Variants in KALRN observed in about 807,000 individuals in gnomAD.
KALRN encodes kalirin RhoGEF kinase.
Under a neutral mutation model 353.7 loss-of-function variants are expected in KALRN, and 70 were observed. The ratio of observed to expected loss-of-function variants is 0.20; its 90% CI spans 0.16 to 0.24. The LOEUF (loss-of-function observed/expected upper bound fraction) is 0.24, where lower values mean the gene tolerates loss of function less well. Among genes scored for constraint, KALRN ranks in the 10% least tolerant of loss-of-function variants. KALRN has a pLI of 1.00. For synonymous variants in KALRN, 1,391 were observed against 1,434.8 expected (o/e 0.97, Z 0.69); for missense variants, 2,791 against 3,756.7 (o/e 0.74, Z 6.72).
At chr3:124,702,982 G>A (rs2062415705) in intron 57 of KALRN, among the ~76,000 whole-genome samples, 1 of 152,128 alleles carries the variant, frequency 6.6e-6, no homozygotes, top group Non-Finnish European at 1.5e-5. Flanking sequence ...GTCTCCAGGT[G>A]GTCTGTGTGA....
At chr3:124,210,567 C>T (rs985550012) in intron 1 of KALRN, among the ~76,000 whole-genome samples, 1 of 152,056 alleles carries the variant, frequency 6.6e-6, no homozygotes, top group South Asian at 2.1e-4. Flanking sequence ...CAACCTCAGC[C>T]GTCATCTTAT....
rs34537933 is a variant in KALRN, at chr3:124,471,966, C to CAA, written c.4032-2680_4032-2679dup. ...TGAGTGACAGAGTGAGACTCCGTCT[C>CAA]AAAAAAAAAAAAAAAAAACAACCTT... is the stretch of plus-strand genomic sequence containing the variant. On this transcript the variant is annotated intron_variant, in intron 25 of 59. Transcript: ENST00000682506. 9.4e-3 allele frequency among the ~76,000 whole-genome samples: 1,040 copies of CAA among 110,550 alleles called. 66 individuals carry two copies. Among genetic ancestry groups the CAA allele is most frequent in the Middle Eastern group, 0.026 (5 of 190 alleles). 72.5% of individuals were successfully genotyped at this position (110,550 alleles called of 152,430 possible).
intron 33 of KALRN, among the ~76,000 whole-genome samples, chr3:124,553,104 G>A (rs2070755964): frequency 6.6e-6 from 1 of 152,158 alleles, no homozygotes. Flanking sequence ...CAAGATATCA[G>A]TGCAAGAAAA....
chr3:124,374,582 T>C (rs1300008633), intron 10 of KALRN: 1 of 152,256 alleles, frequency 6.6e-6, no homozygotes, highest in Admixed American at 6.5e-5. Flanking sequence ...CTGACCCACC[T>C]TTCCACGTCA....
intron 3 of KALRN, among the ~76,000 whole-genome samples, chr3:124,238,670 C>T (rs2080081450): frequency 6.6e-6 from 1 of 152,178 alleles, no homozygotes; most frequent in Non-Finnish European, 1.5e-5. Flanking sequence ...AAGATTTTGT[C>T]TATACCTTAA....
chr3:124,160,397 A>G (rs922352807), intron 1 of KALRN, among the ~76,000 whole-genome samples: 1 of 152,090 alleles, frequency 6.6e-6, no homozygotes, highest in African/African-American at 2.4e-5. Flanking sequence ...TAGAATGATC[A>G]GGAATAAAAG....
intron 14 of KALRN, among the ~76,000 whole-genome samples, chr3:124,421,146 C>G: frequency 6.6e-6 from 1 of 152,254 alleles, no homozygotes; most frequent in Middle Eastern, 3.4e-3. Context: ...TTGGACAGAA[C>G]TAAGAAGCTG....
intron 5 of KALRN, among the ~76,000 whole-genome samples, chr3:124,283,318 G>A (rs563247437): frequency 1.3e-5 from 2 of 152,284 alleles, no homozygotes; most frequent in Non-Finnish European, 2.9e-5. Flanking sequence ...ATTTAGCTCC[G>A]GGATAAAGTT....
intron 34 of KALRN, among the ~76,000 whole-genome samples, chr3:124,605,339 G>A (rs949996042): frequency 3.3e-5 from 5 of 151,910 alleles, no homozygotes; most frequent in African/African-American, 1.2e-4. Context: ...GGGAGGCTAA[G>A]AGGCAGGTGG....
At chr3:124,555,098 T>A (rs769351491) in intron 33 of KALRN, among the ~76,000 whole-genome samples, 1 of 152,130 alleles carries the variant, frequency 6.6e-6, no homozygotes, top group African/African-American at 2.4e-5. Context: ...TGTAGGTCCA[T>A]CCTCAGTGCC....
intron 15 of KALRN, among the ~76,000 whole-genome samples, chr3:124,426,998 A>C (rs1238999120): frequency 6.6e-6 from 1 of 152,232 alleles, no homozygotes; most frequent in African/African-American, 2.4e-5. Flanking sequence ...TACTAAAGAC[A>C]TTGGCTTAAT....
chr3:124,167,183 C>G (rs1320492774), intron 1 of KALRN, among the ~76,000 whole-genome samples: 1 of 152,144 alleles, frequency 6.6e-6, no homozygotes, highest in African/African-American at 2.4e-5. Context: ...CGACTGGGCC[C>G]AGGGCTCCCT....
At chr3:124,283,022 A>G (rs2075501933) in intron 5 of KALRN, among the ~76,000 whole-genome samples, 1 of 152,214 alleles carries the variant, frequency 6.6e-6, no homozygotes, top group Non-Finnish European at 1.5e-5. Flanking sequence ...CTTCTCCCCA[A>G]GAGAAGGGCT....
intron 1 of KALRN, among the ~76,000 whole-genome samples, chr3:124,211,404 A>G (rs992410275): frequency 1.3e-5 from 2 of 152,250 alleles, no homozygotes; most frequent in Non-Finnish European, 2.9e-5. Flanking sequence ...AAATAGTAAT[A>G]TGAATCATTT....
intron 3 of KALRN, among the ~76,000 whole-genome samples, chr3:124,249,753 G>A (rs1407110789): frequency 6.6e-6 from 1 of 152,314 alleles, no homozygotes; most frequent in East Asian, 1.9e-4. Flanking sequence ...CTGATTTGGA[G>A]CAAAGACCTG....
At chr3:124,391,919 C>T (rs1340534014) in intron 11 of KALRN, among the ~76,000 whole-genome samples, 2 of 152,228 alleles carry the variant, frequency 1.3e-5, no homozygotes, top group South Asian at 2.1e-4. Context: ...AGGCCCAGCC[C>T]AGTCTAGTAT....
intron 34 of KALRN, among the ~76,000 whole-genome samples, chr3:124,624,088 C>A (rs1396448963): frequency 6.6e-6 from 1 of 152,214 alleles, no homozygotes; most frequent in Non-Finnish European, 1.5e-5. Context: ...GCACACTGTT[C>A]TGAGTAGTGT....
At chr3:124,375,368 C>T (rs1242302562) in intron 10 of KALRN, among the ~76,000 whole-genome samples, 2 of 152,210 alleles carry the variant, frequency 1.3e-5, no homozygotes, top group Admixed American at 1.3e-4. Context: ...TCTGGGCCAA[C>T]CTCTGGCCTC....
At chr3:124,520,986 A>C (rs1264441710) in intron 33 of KALRN, among the ~76,000 whole-genome samples, 2 of 152,202 alleles carry the variant, frequency 1.3e-5, no homozygotes, top group African/African-American at 4.8e-5. Context: ...CTGATGGCCC[A>C]GGTGCCCAGC....
Sources: allele counts gnomAD v4.1 joint callset (sites outside exome capture counted in the v4.1 genomes callset), GRCh38; gene constraint gnomAD v4.1.1; transcripts MANE v1.5; gene names NCBI Gene and HGNC (gene_info 2026-07-23, HGNC 2026-07-21).